LETM2: variants seen among roughly 807,000 people sequenced by gnomAD.
LETM2 encodes LETM1 domain-containing protein LETM2, mitochondrial.
Under a neutral mutation model 59.6 loss-of-function variants are expected in LETM2, and 58 were observed. That is an observed-to-expected ratio of 0.97 (90% CI 0.79 to 1.21). The LOEUF (loss-of-function observed/expected upper bound fraction) is 1.21. LETM2 is among the 50% of genes most tolerant of loss of function. The pLI is 0.00. For synonymous variants in LETM2, 199 were observed against 214.1 expected, an observed-to-expected ratio of 0.93 and a Z score of 0.62; for missense variants, 572 against 575.7, an observed-to-expected ratio of 0.99 and a Z score of 0.07.
intron 4 of LETM2, chr8:38,394,456 C>G (rs1812531075): frequency 7.7e-6 from 3 of 390,894 alleles, no homozygotes; most frequent in African/African-American, 2.1e-5. Flanking sequence ...AGGGTCCACT[C>G]TTCATGTTGA....
upstream of LETM2, among the ~76,000 whole-genome samples, chr8:38,385,163 T>A (rs765855379): frequency 1.3e-5 from 2 of 152,230 alleles, no homozygotes; most frequent in African/African-American, 2.4e-5. Flanking sequence ...GTGGCCAAAC[T>A]GAAAAGTTTT....
Position 38,406,993 on chromosome 8 carries a change from T to G in LETM2, c.1266T>G (p.Ser422=). 1 of 1,612,478 alleles carries G rather than the reference T, an allele frequency of 6.2e-7. No individual in the cohort carries two copies. Among genetic ancestry groups the G allele is most frequent in the Non-Finnish European group, 8.5e-7 (1 of 1,178,514 alleles). Residue 422 remains serine (S), a synonymous_variant, in exon 9 of 11, where the codon TCT becomes TCG. Coordinates refer to ENST00000379957, the MANE Select transcript of LETM2 (RefSeq NM_001286819.2). ...TGGAATTACCTACTTTCACTGAATCTAAAGAGAACATGGTGGATCTTGCAC... is the reference window on the plus strand; with the variant it reads ...TGGAATTACCTACTTTCACTGAATCGAAAGAGAACATGGTGGATCTTGCAC... ...ILVELPTFTE[S]KENMVDLAPQ... is the part of the protein sequence containing the mutation.
intron 5 of LETM2, 87 bp from the exon 6 acceptor site, chr8:38,400,766 C>T: frequency 8.4e-7 from 1 of 1,187,086 alleles, no homozygotes; most frequent in South Asian, 1.4e-5. Context: ...CCCATAAATG[C>T]TTTGATGTCT....
At chr8:38,407,157 A>T in intron 9 of LETM2, 119 bp downstream of exon 9, 1 of 726,412 alleles carries the variant, frequency 1.4e-6, no homozygotes, top group Non-Finnish European at 2.4e-6. Context: ...ATGTTCCTTA[A>T]TAAGGAATAT....
Position 38,400,423 on chromosome 8 carries a change from A to G in LETM2, c.783+14A>G. On this transcript the variant is annotated intron_variant, in intron 5 of 10. Coordinates refer to ENST00000379957, the MANE Select transcript of LETM2 (RefSeq NM_001286819.2). ...TACGTGAAGCAGGTGTCCATCTTTT[A>G]TGTAATGCCGAACAACTTCGGGGCT... The G allele has an allele frequency of 6.4e-7, 1 of 1,552,632 alleles. No homozygotes were observed. The highest frequency in any genetic ancestry group is 2.3e-5 in the East Asian group (1 of 43,432).
intron 7 of LETM2, among the ~76,000 whole-genome samples, chr8:38,403,042 C>T (rs1338964278): frequency 6.6e-6 from 1 of 152,042 alleles, no homozygotes; most frequent in Non-Finnish European, 1.5e-5. Context: ...GAGCCCCGGG[C>T]TACTCTCAGC....
chr8:38,406,255 A>T (rs899110091), intron 8 of LETM2, among the ~76,000 whole-genome samples: 1 of 152,178 alleles, frequency 6.6e-6, no homozygotes, highest in African/African-American at 2.4e-5. Flanking sequence ...TTATTATTAG[A>T]TACTAAAAAT....
At chr8:38,388,493 G>A (rs1237072432) in intron 2 of LETM2, among the ~76,000 whole-genome samples, 6 of 151,042 alleles carry the variant, frequency 4.0e-5, no homozygotes, top group Non-Finnish European at 7.4e-5. Flanking sequence ...AGGCCAAGGC[G>A]AGCGGATTGC....
upstream of LETM2, among the ~76,000 whole-genome samples, chr8:38,384,000 A>G (rs1811676886): frequency 6.6e-6 from 1 of 152,176 alleles, no homozygotes. Context: ...AAGTAGTACC[A>G]CAAGTTACAG....
At chr8:38,392,477 T>C (rs2150418133) in intron 2 of LETM2, 65 bp from the exon 3 acceptor site, 1 of 970,140 alleles carries the variant, frequency 1.0e-6, no homozygotes, top group East Asian at 2.4e-5. Flanking sequence ...TAATATGTGC[T>C]TTATGATAGT....
intron 3 of LETM2, chr8:38,393,204 C>A: frequency 2.0e-6 from 1 of 510,024 alleles, no homozygotes; most frequent in Non-Finnish European, 3.4e-6. Flanking sequence ...TCCTGTATAA[C>A]GGTTTTTAAA....
At chr8:38,387,207 T>G (rs534596941) in intron 1 of LETM2, 14 of 152,310 alleles carry the variant, frequency 9.2e-5, no homozygotes, top group African/African-American at 3.4e-4. Context: ...TTCGAGCCCC[T>G]GTTGAAAATG....
rs545708241 is a variant in LETM2 at position 38,394,908 on chromosome 8, C to G, written c.645+667C>G. On this transcript the variant is annotated intron_variant, in intron 4 of 10. Coordinates refer to ENST00000379957, the MANE Select transcript of LETM2 (RefSeq NM_001286819.2). Reference sequence around the variant, plus strand: ...CTATTTGTCCCTCTTCTTTCCTCCCCCAACCCATGGCAGCCACTGATCTTT... The same window carrying G: ...CTATTTGTCCCTCTTCTTTCCTCCCGCAACCCATGGCAGCCACTGATCTTT... 3.9e-5 allele frequency among the ~76,000 whole-genome samples: 6 copies of G among 152,114 alleles called. No homozygotes were observed. The South Asian group carries it at 1.0e-3, about 26-fold the overall frequency.
At position 38,402,542 on chromosome 8, in the gene LETM2, G is replaced by C. The variant is rs755660926; in HGVS notation, c.1002G>C (p.Gly334=). 3.1e-6 allele frequency: 5 copies of C among 1,613,954 alleles called. No homozygotes were observed. Among genetic ancestry groups the C allele is most frequent in the South Asian group, 1.1e-5 (1 of 91,072 alleles). ...TCTTTCAGATAATTGCCAAGGAAGG[G>C]GTGACAGCATTGAGTGTATCAGAAC... The part of the protein sequence containing the change: ...KADDEIIAKE[G]VTALSVSELQ... Residue 334 remains glycine (G), a synonymous_variant, in exon 7 of 11, where the codon GGG becomes GGC. Transcript: ENST00000379957.
intron 7 of LETM2, among the ~76,000 whole-genome samples, chr8:38,403,410 A>C (rs1813416130): frequency 6.6e-6 from 1 of 152,254 alleles, no homozygotes; most frequent in African/African-American, 2.4e-5. Flanking sequence ...TTTCAGTTCA[A>C]GGCCTGTCAT....
intron 2 of LETM2, among the ~76,000 whole-genome samples, chr8:38,389,896 G>A (rs1205198381): frequency 6.6e-6 from 1 of 151,502 alleles, no homozygotes; most frequent in Non-Finnish European, 1.5e-5. Flanking sequence ...CTACTCAGGA[G>A]GCTAAAGCAG....
intron 7 of LETM2, 132 bp downstream of exon 7, chr8:38,402,776 ATGC>A (rs1213532392): frequency 3.5e-6 from 3 of 846,104 alleles, no homozygotes; most frequent in East Asian, 5.2e-5. Context: ...GAGCAGTGGG[ATGC>A]TGAAGGACTA....
At position 38,393,984 on chromosome 8, in the gene LETM2, A is replaced by G. The variant is rs1022644761; in HGVS notation, c.502-114A>G. On this transcript the variant is annotated intron_variant, in intron 3 of 10. Transcript: ENST00000379957. ...AGACTGGGCAACATAGTGAGACACT[A>G]TCTCTTGAAAGAAAGAAAATGAAAC... The G allele has an allele frequency of 3.4e-5, 30 of 880,518 alleles. 1 individual carries two copies. The South Asian group carries it at 7.6e-4, about 22-fold the overall frequency. 54.5% of individuals were successfully genotyped at this position (880,518 alleles called of 1,614,324 possible). A position where few individuals can be genotyped will look rare whatever the true frequency, so the allele number is the denominator to read the frequency against.
In LETM2 at chr8:38,407,353, A is replaced by G; in HGVS notation, c.1312-9A>G. 6.3e-7 allele frequency: 1 copy of G among 1,582,832 alleles called. No homozygotes were observed. The highest frequency in any genetic ancestry group is 1.1e-5 in the South Asian group (1 of 90,380). On this transcript the variant is annotated splice_polypyrimidine_tract_variant and intron_variant, in intron 9 of 10. Coordinates refer to ENST00000379957, the MANE Select transcript of LETM2 (RefSeq NM_001286819.2). ...ATCAGTAACCCAACTCTCAGTTCTGATGTTTAAGGATGAAGACTTTATACA... is the reference window on the plus strand; with the variant it reads ...ATCAGTAACCCAACTCTCAGTTCTGGTGTTTAAGGATGAAGACTTTATACA...
Sources: allele counts gnomAD v4.1 joint callset (sites outside exome capture counted in the v4.1 genomes callset), GRCh38; gene constraint gnomAD v4.1.1; transcripts MANE v1.5; gene names NCBI Gene and HGNC (gene_info 2026-07-23, HGNC 2026-07-21).